Variants in NEBL observed in about 807,000 individuals in gnomAD.
NEBL encodes the protein nebulette, also known as LIM and SH3 protein 2.
In NEBL, 122 loss-of-function variants were observed where a neutral mutation model predicts 140.2. The observed-to-expected ratio is 0.87, with a 90% confidence interval of 0.75 to 1.01. The LOEUF is 1.01. Ranked by LOEUF, NEBL falls within the 50% of genes least tolerant of loss-of-function variation. NEBL has a pLI of 0.00. For synonymous variants in NEBL, 436 were observed against 398.9 expected (o/e 1.09, Z -1.11); for missense variants, 1,365 against 1,231.3 (o/e 1.11, Z -1.62).
chr10:20,891,524 A>G (rs1415562339), intron 2 of NEBL, among the ~76,000 whole-genome samples: 1 of 152,202 alleles, frequency 6.6e-6, no homozygotes, highest in Non-Finnish European at 1.5e-5. Context: ...TCCCCATCAC[A>G]TTCACATTCT....
intron 3 of NEBL, among the ~76,000 whole-genome samples, chr10:21,190,131 G>C (rs144296705): frequency 6.6e-6 from 1 of 152,210 alleles, no homozygotes; most frequent in East Asian, 1.9e-4. Context: ...CACAAAACTT[G>C]ACATATTATA....
chr10:20,935,509 C>G (rs558255618), intron 4 of NEBL, among the ~76,000 whole-genome samples: 1 of 152,152 alleles, frequency 6.6e-6, no homozygotes, highest in African/African-American at 2.4e-5. Context: ...ATATTTGCAT[C>G]GCCTGGAAAT....
chr10:21,205,663 C>A (rs1564542422), intron 3 of NEBL, among the ~76,000 whole-genome samples: 1 of 152,034 alleles, frequency 6.6e-6, no homozygotes, highest in African/African-American at 2.4e-5. Context: ...TTGGCACCAA[C>A]CTATTAATCA....
intron 4 of NEBL, among the ~76,000 whole-genome samples, chr10:20,956,841 A>G (rs1462589923): frequency 2.0e-5 from 3 of 152,190 alleles, no homozygotes; most frequent in Non-Finnish European, 4.4e-5. Context: ...GATTCATGTA[A>G]GACCTAATTG....
intron 3 of NEBL, chr10:20,961,817 T>C (rs922909077): frequency 2.0e-6 from 3 of 1,495,714 alleles, no homozygotes; most frequent in African/African-American, 2.8e-5. Context: ...AACAGAGGGA[T>C]CACGAATCCC....
At chr10:20,930,999 G>A (rs10828155) in intron 4 of NEBL, among the ~76,000 whole-genome samples, 96,995 of 151,928 alleles carry the variant, frequency 0.64, 31,238 homozygotes, top group Non-Finnish European at 0.67. Context: ...CCAGTCAATC[G>A]TGGAAAATCA....
At chr10:20,806,516 C>T (rs1837635291) in intron 26 of NEBL, among the ~76,000 whole-genome samples, 1 of 152,200 alleles carries the variant, frequency 6.6e-6, no homozygotes, top group South Asian at 2.1e-4. Flanking sequence ...ATATCCCCTC[C>T]CCAAGGAAGG....
chr10:21,166,828 A>G (rs963558886), intron 2 of NEBL, among the ~76,000 whole-genome samples: 8 of 152,224 alleles, frequency 5.3e-5, no homozygotes, highest in Non-Finnish European at 1.0e-4. Flanking sequence ...AGCTAACTTC[A>G]TAGCAGGAAT....
At chr10:21,217,054 T>C (rs1490977340) in intron 3 of NEBL, among the ~76,000 whole-genome samples, 1 of 152,088 alleles carries the variant, frequency 6.6e-6, no homozygotes, top group Non-Finnish European at 1.5e-5. Context: ...ACAATACCCC[T>C]GGGAAGGGGC....
At chr10:21,102,321 T>A (rs1055970536) in intron 2 of NEBL, among the ~76,000 whole-genome samples, 6 of 152,224 alleles carry the variant, frequency 3.9e-5, no homozygotes, top group African/African-American at 1.4e-4. Flanking sequence ...CACAACTTAA[T>A]GGATTTTGAT....
At chr10:21,180,458 G>A (rs766259415) in intron 3 of NEBL, among the ~76,000 whole-genome samples, 11 of 152,194 alleles carry the variant, frequency 7.2e-5, no homozygotes, top group East Asian at 5.8e-4. Context: ...CTCTTTCTCC[G>A]CCCCATCGAA....
At position 20,897,001 on chromosome 10, in the gene NEBL, A is replaced by AT. The variant is rs1554802045; in HGVS notation, c.109_110insA (p.Leu37TyrfsTer14). ...GCATTTTCTGGCCAATTCCATGCTT[A>AT]AGTCTTCAATAACAGGCTTATAGAA... On this transcript the variant is annotated frameshift_variant, in exon 2 of 28. Coordinates refer to ENST00000377122, the MANE Select transcript of NEBL (RefSeq NM_006393.3). LOFTEE classifies it high-confidence loss of function. 1 of 1,613,606 alleles carries AT rather than the reference A, an allele frequency of 6.2e-7. No homozygotes were observed. The highest frequency in any genetic ancestry group is 8.5e-7 in the Non-Finnish European group (1 of 1,179,756).
intron 26 of NEBL, among the ~76,000 whole-genome samples, chr10:20,788,000 T>TA (rs1200933540): frequency 5.9e-5 from 9 of 152,156 alleles, no homozygotes; most frequent in African/African-American, 7.2e-5. Flanking sequence ...TCTTCTATAT[T>TA]AAAAAAGTAT....
At chr10:20,946,108 G>A (rs1478064235) in intron 4 of NEBL, among the ~76,000 whole-genome samples, 8 of 152,134 alleles carry the variant, frequency 5.3e-5, no homozygotes, top group Non-Finnish European at 1.0e-4. Flanking sequence ...GTACGAACAG[G>A]GATGCACAGA....
chr10:20,957,063 A>C (rs1835840414), intron 4 of NEBL, among the ~76,000 whole-genome samples: 1 of 152,160 alleles, frequency 6.6e-6, no homozygotes, highest in Non-Finnish European at 1.5e-5. Flanking sequence ...ACAAACAGAG[A>C]CCAAATCCCT....
At position 20,888,165 on chromosome 10, in the gene NEBL, G is replaced by A; in HGVS notation, c.301C>T (p.Leu101Phe). Residue 101 changes from leucine (L) to phenylalanine (F), a missense_variant, in exon 4 of 28, where the codon CTT becomes TTT. This residue lies in a region of NEBL where 1,323 missense variants were observed against 1,154.8 expected (regional missense o/e 1.15). Coordinates refer to ENST00000377122, the MANE Select transcript of NEBL (RefSeq NM_006393.3). ...ATTGTGGCTGGCATCCGCTTATAAA[G>A]AGAATTAGAAAGGTCAGCTTTAATG... ...GTIKADLSNS[L>F]YKRMPATIDS... is the part of the protein sequence containing the mutation. 2 of 1,613,812 alleles carry A rather than the reference G, an allele frequency of 1.2e-6. No homozygotes were observed. The highest frequency in any genetic ancestry group is 1.7e-6 in the Non-Finnish European group (2 of 1,179,850).
chr10:21,020,335 G>C, intron 2 of NEBL: 1 of 750,474 alleles, frequency 1.3e-6, no homozygotes, highest in Non-Finnish European at 2.3e-6. Context: ...CTTGGCTAAG[G>C]TCATCTCTCT....
rs528568462 is a variant in NEBL, at chr10:20,780,024, A to G, written c.*5723T>C. On this transcript the variant is annotated 3_prime_UTR_variant, in exon 28 of 28. Coordinates refer to ENST00000377122, the MANE Select transcript of NEBL (RefSeq NM_006393.3). ...CAGATGTCATCCGCAAAGTTTATCAATTTACAATTAGGAAGGATTATGAGC... is the reference window on the plus strand; with the variant it reads ...CAGATGTCATCCGCAAAGTTTATCAGTTTACAATTAGGAAGGATTATGAGC... 3 of 152,322 alleles carry G rather than the reference A, an allele frequency of 2.0e-5. No individual in the cohort carries two copies. Among genetic ancestry groups the G allele is most frequent in the African/African-American group, 7.2e-5 (3 of 41,558 alleles). The allele number at this position is 152,322 out of a possible 1,614,324, so 9.4% of individuals were successfully genotyped here. A position where few individuals can be genotyped will look rare whatever the true frequency, so the allele number is the denominator to read the frequency against.
chr10:20,823,091 C>T, intron 19 of NEBL, 117 bp downstream of exon 19: 1 of 738,874 alleles, frequency 1.4e-6, no homozygotes, highest in Non-Finnish European at 2.2e-6. Context: ...TTTTAAGGAA[C>T]CGATCCTCTC....
Sources: gnomAD v4.1 joint callset for allele counts (sites outside exome capture counted in the v4.1 genomes callset) on GRCh38, gnomAD v4.1.1 for gene constraint, gnomAD v4.1.1 regional missense constraint, MANE v1.5 for transcripts, NCBI Gene and HGNC (gene_info 2026-07-23, HGNC 2026-07-21) for gene names.